Variants in PNMA6E observed in about 807,000 individuals in gnomAD.
The protein encoded by PNMA6E is PNMA family member 6E.
For missense variants in PNMA6E, 78 were observed against 50.8 expected, an observed-to-expected ratio of 1.53 and a Z score of -1.63; for synonymous variants, 43 against 17.1, an observed-to-expected ratio of 2.52 and a Z score of -3.74.
chrX:153,406,566 G>A, the PNMA6E span, among the ~76,000 whole-genome samples: 35 of 112,802 alleles, frequency 3.1e-4, no homozygotes, highest in Middle Eastern at 9.2e-3. Flanking sequence ...GGGATGCCAC[G>A]CACCAATGCT....
rs1033888585 is a variant in PNMA6E at position 153,397,575 on chromosome X, G to A, written c.1275C>T (p.Phe425=). The A allele has an allele frequency of 3.0e-5, 9 of 297,962 alleles. No individual in the cohort carries two copies. The highest frequency in any genetic ancestry group is 1.9e-4 in the East Asian group (4 of 21,004). 24.6% of individuals were successfully genotyped at this position (297,962 alleles called of 1,213,427 possible). A position where few individuals can be genotyped will look rare whatever the true frequency, so the allele number is the denominator to read the frequency against. Reference sequence around the variant, plus strand: ...GCAGCAGGCCTTCCAGGCGCACCACGAAGGCAAACAGCCCCTCCTGGGGCC... The same window carrying A: ...GCAGCAGGCCTTCCAGGCGCACCACAAAGGCAAACAGCCCCTCCTGGGGCC... ...TQGPQEGLFA[F]VVRLEGLLQR... Residue 425 remains phenylalanine (F), a synonymous_variant, in exon 2 of 2, where the codon TTC becomes TTT. Coordinates refer to ENST00000445091, the MANE Select transcript of PNMA6E (RefSeq NM_001367770.1).
Position 153,397,455 on chromosome X carries a change from G to A in PNMA6E, c.1395C>T (p.Leu465=), listed in dbSNP as rs889203662. ...VLSWARPSEA[L]QDTLRGMQLE... ...GCTGCATCCCTCTCAGGGTATCCTGGAGTGCCTCGCTGGGGCGGGCCCAAG... is the reference window on the plus strand; with the variant it reads ...GCTGCATCCCTCTCAGGGTATCCTGAAGTGCCTCGCTGGGGCGGGCCCAAG... The change falls in exon 2 of 2, where the codon CTC becomes CTT. Residue 465 remains leucine, a synonymous_variant. Coordinates refer to ENST00000445091, the MANE Select transcript of PNMA6E (RefSeq NM_001367770.1). 3 of 297,478 alleles carry A rather than the reference G, an allele frequency of 1.0e-5. No homozygotes were observed. The highest frequency in any genetic ancestry group is 1.2e-5 in the Non-Finnish European group (2 of 170,348). The allele number at this position is 297,478 out of a possible 1,213,427, so 24.5% of individuals were successfully genotyped here. A position where few individuals can be genotyped will look rare whatever the true frequency, so the allele number is the denominator to read the frequency against.
chrX:153,395,740 C>G lies in PNMA6E; in HGVS notation c.*1166G>C, dbSNP rs1197710420. 1.8e-5 allele frequency: 2 copies of G among 112,640 alleles called. No individual in the cohort carries two copies. The highest frequency in any genetic ancestry group is 3.8e-5 in the Non-Finnish European group (2 of 53,030). 9.3% of individuals were successfully genotyped at this position (112,640 alleles called of 1,213,427 possible). On this transcript the variant is annotated 3_prime_UTR_variant, in exon 2 of 2. Coordinates refer to ENST00000445091, the MANE Select transcript of PNMA6E (RefSeq NM_001367770.1). ...GAAACTGTAAACAGCCACCACAGGA[C>G]ACAGGTCCCAGGCCCCCTCCTCCTG...
At chrX:153,409,482 G>A in the PNMA6E span, among the ~76,000 whole-genome samples, 4 of 113,224 alleles carry the variant, frequency 3.5e-5, no homozygotes, top group Admixed American at 3.7e-4. Flanking sequence ...CTCTAGGTTG[G>A]GCATGGGTTT....
the PNMA6E span, among the ~76,000 whole-genome samples, chrX:153,410,137 C>T: frequency 9.0e-6 from 1 of 111,122 alleles, no homozygotes. Context: ...TTCTGGGGGC[C>T]CTGGGCACTC....
rs782301407 is a variant in PNMA6E at position 153,396,160 on chromosome X, G to C, written c.*746C>G. The C allele has an allele frequency of 8.1e-6, 1 of 122,770 alleles. No homozygotes were observed. The highest frequency in any genetic ancestry group is 3.2e-5 in the African/African-American group (1 of 30,773). 10.1% of individuals were successfully genotyped at this position (122,770 alleles called of 1,213,427 possible). ...GGTGCCTCCTTCCCGCCATCTCCTG[G>C]GACTGCGCTGGGGGTCTCCGGGGAG... On this transcript the variant is annotated 3_prime_UTR_variant, in exon 2 of 2. Transcript: ENST00000445091.
chrX:153,405,713 G>A (rs782374003), upstream of PNMA6E, among the ~76,000 whole-genome samples: 6 of 109,753 alleles, frequency 5.5e-5, no homozygotes, highest in Non-Finnish European at 1.1e-4. Flanking sequence ...GAGGAACTGA[G>A]CTACTTGCCA....
At position 153,398,932 on chromosome X, in the gene PNMA6E, AAG is replaced by A. The variant is rs2088830415; in HGVS notation, c.-71-14_-71-13del. On this transcript the variant is annotated splice_polypyrimidine_tract_variant and intron_variant, in intron 1 of 1. Coordinates refer to ENST00000445091, the MANE Select transcript of PNMA6E (RefSeq NM_001367770.1). ...GTCTCCGACACAGCCTGTGAGTGCA[AAG>A]AGAGAAGCTTGTTTGTGCCAAACAC... The A allele has an allele frequency of 1.0e-5, 3 of 296,540 alleles. No homozygotes were observed. Among genetic ancestry groups the A allele is most frequent in the Middle Eastern group, 8.8e-4 (1 of 1,136 alleles). 24.4% of individuals were successfully genotyped at this position (296,540 alleles called of 1,213,427 possible).
intron 1 of PNMA6E, among the ~76,000 whole-genome samples, 169 bp downstream of exon 1, chrX:153,401,075 T>A (rs6643806): frequency 0.18 from 17,816 of 99,337 alleles, 1,486 homozygotes; most frequent in East Asian, 0.37. Flanking sequence ...ACGCCGCACC[T>A]AAACCGGGCC....
At position 153,397,606 on chromosome X, in the gene PNMA6E, G is replaced by A. The variant is rs184193278; in HGVS notation, c.1244C>T (p.Thr415Met). Reference protein sequence around the residue: ...MTSRLKFLTCTQGPQEGLFAF... With the variant: ...MTSRLKFLTCMQGPQEGLFAF... ...AAACAGCCCCTCCTGGGGCCCCTGC[G>A]TGCAGGTCAGGAACTTCAGCCTCGA... The change falls in exon 2 of 2, where the codon ACG (threonine) becomes ATG (methionine). Residue 415 changes from threonine (T) to methionine (M), a missense_variant. Transcript: ENST00000445091. 1.5e-4 allele frequency: 45 copies of A among 297,950 alleles called. No individual in the cohort carries two copies. The East Asian group carries it at 1.5e-3, about 10-fold the overall frequency. The allele number at this position is 297,950 out of a possible 1,213,427, so 24.6% of individuals were successfully genotyped here.
chrX:153,397,226 C>A lies in PNMA6E; in HGVS notation c.1624G>T (p.Ala542Ser). The change falls in exon 2 of 2, where the codon GCC (alanine) becomes TCC (serine). Residue 542 changes from alanine to serine, a missense_variant. Coordinates refer to ENST00000445091, the MANE Select transcript of PNMA6E (RefSeq NM_001367770.1). ...GCAGCCTCTTTGGTGGCAGAAGCGG[C>A]CTCGGCAGCATCTTCTGCTCCGGGA... Reference protein sequence around the residue: ...AGPGAEDAAEAASATKEAARG... With the variant: ...AGPGAEDAAESASATKEAARG... 3.4e-6 allele frequency: 1 copy of A among 298,147 alleles called. No individual in the cohort carries two copies. The highest frequency in any genetic ancestry group is 5.9e-6 in the Non-Finnish European group (1 of 170,449). 24.6% of individuals were successfully genotyped at this position (298,147 alleles called of 1,213,427 possible). A position where few individuals can be genotyped will look rare whatever the true frequency, so the allele number is the denominator to read the frequency against.
the PNMA6E span, among the ~76,000 whole-genome samples, chrX:153,409,155 G>A: frequency 2.7e-5 from 3 of 113,153 alleles, no homozygotes; most frequent in Non-Finnish European, 3.8e-5. Context: ...TCACCTGCCC[G>A]TCCTGGGCCA....
the PNMA6E span, among the ~76,000 whole-genome samples, chrX:153,407,678 C>T: frequency 1.2e-4 from 13 of 111,336 alleles, no homozygotes; most frequent in Non-Finnish European, 2.5e-4. Context: ...GGCTAGAAGC[C>T]CCTTTTTGTT....
chrX:153,406,538 G>A, the PNMA6E span, among the ~76,000 whole-genome samples: 3 of 112,706 alleles, frequency 2.7e-5, no homozygotes, highest in African/African-American at 6.4e-5. Context: ...CTGAAAGGTC[G>A]GTGTGACTGC....
chrX:153,413,671 G>A, the PNMA6E span, among the ~76,000 whole-genome samples: 6 of 111,195 alleles, frequency 5.4e-5, no homozygotes, highest in Admixed American at 5.7e-4. Context: ...AAGGTCACAG[G>A]GTCTTGCTGG....
chrX:153,411,921 G>T, the PNMA6E span, among the ~76,000 whole-genome samples: 1 of 112,880 alleles, frequency 8.9e-6, no homozygotes, highest in Non-Finnish European at 1.9e-5. Context: ...GGCGCTGGGA[G>T]CTGCGGCCCG....
In PNMA6E at chrX:153,397,149, T is replaced by C. The variant is rs782292134; in HGVS notation, c.1701A>G (p.Glu567=). The change falls in exon 2 of 2, where the codon GAA becomes GAG. Residue 567 remains glutamate, a synonymous_variant. Coordinates refer to ENST00000445091, the MANE Select transcript of PNMA6E (RefSeq NM_001367770.1). ...GEGESAPAGP[E]GLGQARPIEV... is the part of the protein sequence containing the mutation. ...CTATGGGCCTTGCCTGACCTAGGCC[T>C]TCGGGGCCTGCAGGGGCACTTTCAC... 6.7e-6 allele frequency: 2 copies of C among 296,884 alleles called. No individual in the cohort carries two copies. Among genetic ancestry groups the C allele is most frequent in the Non-Finnish European group, 1.2e-5 (2 of 170,161 alleles). 24.5% of individuals were successfully genotyped at this position (296,884 alleles called of 1,213,427 possible). A position where few individuals can be genotyped will look rare whatever the true frequency, so the allele number is the denominator to read the frequency against.
upstream of PNMA6E, among the ~76,000 whole-genome samples, chrX:153,404,731 G>A (rs182987485): frequency 1.4e-4 from 16 of 111,723 alleles, no homozygotes; most frequent in Non-Finnish European, 2.1e-4. Context: ...GGCCAAATAC[G>A]GGGCTCCTCC....
the PNMA6E span, among the ~76,000 whole-genome samples, chrX:153,412,739 G>C: frequency 9.0e-6 from 1 of 111,565 alleles, no homozygotes; most frequent in Non-Finnish European, 1.9e-5. Flanking sequence ...GTGCAGAGGT[G>C]GGAGGAGGGT....
Sources: gnomAD v4.1 joint callset for allele counts (sites outside exome capture counted in the v4.1 genomes callset) on GRCh38, gnomAD v4.1.1 for gene constraint, MANE v1.5 for transcripts, NCBI Gene and HGNC (gene_info 2026-07-23, HGNC 2026-07-21) for gene names.